The following NTM variants were observed in gnomAD, a reference collection of about 807,000 sequenced individuals.
The protein encoded by NTM is IgLON family member 2.
A neutral mutation model predicts 42.1 loss-of-function variants in NTM; 13 were observed. The ratio of observed to expected loss-of-function variants is 0.31; its 90% CI spans 0.20 to 0.49. The LOEUF (loss-of-function observed/expected upper bound fraction) is 0.49, where lower values mean the gene tolerates loss of function less well. NTM is among the 20% of genes least tolerant of loss of function. The probability of loss-of-function intolerance (pLI) is 0.99; values close to 1 mark genes in which losing one functional copy is unlikely to be tolerated. For synonymous variants in NTM, 187 were observed against 179.2 expected, an observed-to-expected ratio of 1.04 and a Z score of -0.35; for missense variants, 373 against 452.8, an observed-to-expected ratio of 0.82 and a Z score of 1.60.
chr11:131,928,145 A>G (rs1264702644), intron 2 of NTM, among the ~76,000 whole-genome samples: 1 of 152,122 alleles, frequency 6.6e-6, no homozygotes, highest in Non-Finnish European at 1.5e-5. Context: ...ACAGAAACCA[A>G]CATCGGTAGA....
intron 4 of NTM, among the ~76,000 whole-genome samples, chr11:132,272,458 T>G: frequency 6.6e-6 from 1 of 152,170 alleles, no homozygotes; most frequent in East Asian, 1.9e-4. Flanking sequence ...ATCTGTAAAA[T>G]AATTTAGGGA....
intron 7 of NTM, among the ~76,000 whole-genome samples, chr11:132,315,738 G>T (rs2095411780): frequency 6.6e-6 from 1 of 152,108 alleles, no homozygotes; most frequent in Non-Finnish European, 1.5e-5. Context: ...CACGATCTCT[G>T]CTCACCCATT....
chr11:131,790,591 A>C (rs933936562), intron 1 of NTM, among the ~76,000 whole-genome samples: 1 of 152,228 alleles, frequency 6.6e-6, no homozygotes, highest in Non-Finnish European at 1.5e-5. Flanking sequence ...GAGTCAGGCC[A>C]TTCAAAGTAG....
intron 2 of NTM, among the ~76,000 whole-genome samples, chr11:131,950,746 A>G (rs983424968): frequency 1.3e-5 from 2 of 152,168 alleles, no homozygotes; most frequent in Admixed American, 6.5e-5. Context: ...ACTATAGACT[A>G]TTATTTCTCT....
chr11:131,627,051 C>T (rs371391950), intron 1 of NTM, among the ~76,000 whole-genome samples: 10 of 152,194 alleles, frequency 6.6e-5, no homozygotes, highest in South Asian at 4.2e-4. Flanking sequence ...CGGGCTCAGG[C>T]GCTGGAATGG....
chr11:131,544,879 G>A (rs2053725400), intron 1 of NTM, among the ~76,000 whole-genome samples: 1 of 152,154 alleles, frequency 6.6e-6, no homozygotes, highest in African/African-American at 2.4e-5. Context: ...GGGTGGAGGT[G>A]GTTTGAGGAA....
chr11:132,226,937 A>G (rs2138965962), intron 4 of NTM, among the ~76,000 whole-genome samples: 1 of 152,340 alleles, frequency 6.6e-6, no homozygotes, highest in East Asian at 1.9e-4. Context: ...AAAAACTCCA[A>G]GAAAAGCATG....
intron 4 of NTM, among the ~76,000 whole-genome samples, chr11:132,261,736 C>T (rs2092869744): frequency 6.6e-6 from 1 of 152,164 alleles, no homozygotes; most frequent in South Asian, 2.1e-4. Context: ...AGCTGCCAGT[C>T]AAACCTTTTT....
intron 2 of NTM, among the ~76,000 whole-genome samples, chr11:132,127,674 C>A (rs2066075441): frequency 6.6e-6 from 1 of 152,204 alleles, no homozygotes; most frequent in Non-Finnish European, 1.5e-5. Context: ...GGTTCTTTTC[C>A]TTGAGCCAGA....
At chr11:132,196,808 A>T (rs532358165) in intron 3 of NTM, among the ~76,000 whole-genome samples, 1 of 152,194 alleles carries the variant, frequency 6.6e-6, no homozygotes, top group East Asian at 1.9e-4. Flanking sequence ...TGGGGTGAAA[A>T]ACTACCTATT....
intron 3 of NTM, among the ~76,000 whole-genome samples, chr11:132,202,859 G>T (rs560807769): frequency 2.6e-5 from 4 of 152,142 alleles, no homozygotes; most frequent in East Asian, 3.9e-4. Flanking sequence ...AAATCACTAG[G>T]TTTTTTTCCT....
intron 1 of NTM, among the ~76,000 whole-genome samples, chr11:131,444,005 C>T (rs774787011): frequency 1.5e-4 from 23 of 152,016 alleles, no homozygotes; most frequent in Non-Finnish European, 2.2e-4. Context: ...TTCTGCTTCC[C>T]GACCTACAGA....
intron 1 of NTM, chr11:131,796,256 G>C: frequency 1.3e-6 from 1 of 791,344 alleles, no homozygotes; most frequent in African/African-American, 1.9e-5. Context: ...GTGCGGCCCA[G>C]CCCTCTCAGG....
At chr11:132,017,846 G>T (rs1335260578) in intron 2 of NTM, among the ~76,000 whole-genome samples, 2 of 151,908 alleles carry the variant, frequency 1.3e-5, no homozygotes, top group Non-Finnish European at 2.9e-5. Flanking sequence ...GTAGTTTTCA[G>T]TGTAGGCATT....
intron 2 of NTM, among the ~76,000 whole-genome samples, chr11:131,986,793 A>G (rs559613730): frequency 3.9e-5 from 6 of 152,296 alleles, no homozygotes; most frequent in African/African-American, 1.2e-4. Context: ...GTGCCTGACT[A>G]TAAAGGGGGT....
intron 1 of NTM, among the ~76,000 whole-genome samples, chr11:131,815,447 C>A (rs1232662582): frequency 2.0e-5 from 3 of 152,188 alleles, no homozygotes; most frequent in Non-Finnish European, 4.4e-5. Context: ...CATCCCTCCT[C>A]CCCACAGCAA....
In NTM at chr11:131,555,382, G is replaced by A. The variant is rs1017129932; in HGVS notation, c.82+184494G>A. Among the ~76,000 whole-genome samples the A allele has an allele frequency of 2.6e-5, 4 of 152,278 alleles. No individual in the cohort carries two copies. In the South Asian group the frequency reaches 6.2e-4, roughly 24 times the overall value. Reference sequence around the variant, plus strand: ...TGGACAGGGTTGTCATTGGGTCCTTGTGATTAAATCTATATTGAGGGCAGT... The same window carrying A: ...TGGACAGGGTTGTCATTGGGTCCTTATGATTAAATCTATATTGAGGGCAGT... On this transcript the variant is annotated intron_variant, in intron 1 of 8. Coordinates refer to ENST00000683400, the MANE Select transcript of NTM (RefSeq NM_001352005.2).
At chr11:132,246,942 G>A (rs1375264087) in intron 4 of NTM, among the ~76,000 whole-genome samples, 1 of 152,160 alleles carries the variant, frequency 6.6e-6, no homozygotes, top group Non-Finnish European at 1.5e-5. Flanking sequence ...GTCTTCCCAG[G>A]GTGGACTCCA....
At chr11:131,409,528 C>T (rs1204330309) in intron 1 of NTM, among the ~76,000 whole-genome samples, 1 of 152,214 alleles carries the variant, frequency 6.6e-6, no homozygotes, top group Non-Finnish European at 1.5e-5. Context: ...AAAACAAAAC[C>T]TGGCCCTTTC....
Sources: gnomAD v4.1 joint callset for allele counts (sites outside exome capture counted in the v4.1 genomes callset) on GRCh38, gnomAD v4.1.1 for gene constraint, MANE v1.5 for transcripts, NCBI Gene and HGNC (gene_info 2026-07-23, HGNC 2026-07-21) for gene names.